The following KANK1 variants were observed in gnomAD, a reference collection of about 807,000 sequenced individuals.
KANK1 encodes the protein KN motif and ankyrin repeat domains 1.
KANK1 carries 109 observed loss-of-function variants against 106.2 expected under a neutral mutation model. That is an observed-to-expected ratio of 1.03 (90% CI 0.88 to 1.20). The LOEUF (loss-of-function observed/expected upper bound fraction) is 1.20. Among genes scored for constraint, KANK1 ranks in the 50% most tolerant of loss-of-function variants. KANK1 has a pLI of 0.00. For missense variants in KANK1, 2,399 were observed against 1,710.7 expected, an observed-to-expected ratio of 1.40 and a Z score of -7.10; for synonymous variants, 873 against 652.2, an observed-to-expected ratio of 1.34 and a Z score of -5.16.
At chr9:717,912 A>G (rs985333347) in intron 3 of KANK1, among the ~76,000 whole-genome samples, 1 of 152,168 alleles carries the variant, frequency 6.6e-6, no homozygotes, top group Admixed American at 6.5e-5. Context: ...TAGAACATTC[A>G]TCTCTCATAC....
chr9:580,362 C>G (rs532373927), intron 1 of KANK1, among the ~76,000 whole-genome samples: 13 of 152,170 alleles, frequency 8.5e-5, no homozygotes, highest in African/African-American at 3.1e-4. Flanking sequence ...AGTGAAAGAA[C>G]AAAGCTTCCA....
At chr9:690,107 G>T (rs1819512870) in intron 2 of KANK1, among the ~76,000 whole-genome samples, 1 of 122,996 alleles carries the variant, frequency 8.1e-6, no homozygotes, top group African/African-American at 3.0e-5. Context: ...GGCCAACATG[G>T]TGAAACCCCA....
chr9:717,099 A>G (rs1054859340), intron 3 of KANK1, among the ~76,000 whole-genome samples: 11 of 152,102 alleles, frequency 7.2e-5, no homozygotes, highest in Non-Finnish European at 1.6e-4. Context: ...ATCCTGGGCA[A>G]TATGGTAAAA....
intron 3 of KANK1, among the ~76,000 whole-genome samples, chr9:714,866 C>T (rs372813007): frequency 6.6e-6 from 1 of 152,166 alleles, no homozygotes; most frequent in East Asian, 1.9e-4. Flanking sequence ...TCATCCTCAG[C>T]TTAGGACCAC....
At chr9:743,220 A>AAAAAGTTAG in intron 10 of KANK1, among the ~76,000 whole-genome samples, 1 of 152,194 alleles carries the variant, frequency 6.6e-6, no homozygotes, top group East Asian at 1.9e-4. Context: ...TCAAAACACC[A>AAAAAGTTAG]AAAAGTTAGG....
chr9:526,249 A>G (rs1290193448), intron 1 of KANK1, among the ~76,000 whole-genome samples: 1 of 151,824 alleles, frequency 6.6e-6, no homozygotes, highest in African/African-American at 2.4e-5. Context: ...CGGCAGAGCA[A>G]TGACTGTTCC....
chr9:496,764 C>G (rs968039350), intron 3 of KANK1, among the ~76,000 whole-genome samples: 1 of 151,984 alleles, frequency 6.6e-6, no homozygotes, highest in African/African-American at 2.4e-5. Flanking sequence ...TGAAGCCTAA[C>G]CCAGCACTTT....
In KANK1 at chr9:618,383, T is replaced by G. The variant is rs139153994; in HGVS notation, c.-83-58507T>G. Among the ~76,000 whole-genome samples, 1,379 of 152,174 alleles carry G rather than the reference T, an allele frequency of 9.1e-3. 12 individuals are homozygous for G. Among genetic ancestry groups the G allele is most frequent in the South Asian group, 0.03 (143 of 4,818 alleles). ...CCACCACACCCAGTTAATTTTTGTA[T>G]TTTTACTAGAGACAGGGTTTCACCA... On this transcript the variant is annotated intron_variant, in intron 1 of 11. Transcript: ENST00000382297.
chr9:580,700 T>C lies in KANK1; in HGVS notation c.-84+75946T>C, dbSNP rs140445713. Among the ~76,000 whole-genome samples the C allele has an allele frequency of 2.4e-3, 361 of 152,358 alleles. 3 individuals are homozygous for C. The highest frequency in any genetic ancestry group is 8.2e-3 in the African/African-American group (342 of 41,590). ...TGCCCACTAGACTCAGGAGTCCAGC[T>C]GGCTTCACCTAGTGGATCCCGCACT... On this transcript the variant is annotated intron_variant, in intron 1 of 11. Transcript: ENST00000382297.
chr9:704,709 A>G (rs1823547381), intron 2 of KANK1, among the ~76,000 whole-genome samples: 1 of 152,182 alleles, frequency 6.6e-6, no homozygotes, highest in Non-Finnish European at 1.5e-5. Flanking sequence ...GGCCAGGTAT[A>G]GTGGCTTACA....
intron 1 of KANK1, among the ~76,000 whole-genome samples, chr9:665,140 T>G (rs755951466): frequency 6.6e-6 from 1 of 152,230 alleles, no homozygotes; most frequent in Non-Finnish European, 1.5e-5. Context: ...TTTGAGTGTT[T>G]CCTTTGCTGT....
At chr9:685,193 A>G (rs2139222957) in intron 2 of KANK1, among the ~76,000 whole-genome samples, 1 of 152,326 alleles carries the variant, frequency 6.6e-6, no homozygotes, top group South Asian at 2.1e-4. Flanking sequence ...GAATCCGGAA[A>G]ACACAGGTTT....
intron 1 of KANK1, among the ~76,000 whole-genome samples, chr9:653,562 T>C (rs1200694634): frequency 6.6e-6 from 1 of 152,136 alleles, no homozygotes; most frequent in Non-Finnish European, 1.5e-5. Flanking sequence ...GCAAAACCTT[T>C]CCCTTGAACG....
intron 3 of KANK1, 41 bp from the exon 4 acceptor site, chr9:730,010 T>C (rs149943828): frequency 1.3e-6 from 2 of 1,561,072 alleles, no homozygotes; most frequent in Admixed American, 3.4e-5. Context: ...GCTTTTTCAG[T>C]CCTAGCATCA....
chr9:633,372 G>A (rs191889581), intron 1 of KANK1, among the ~76,000 whole-genome samples: 120 of 152,186 alleles, frequency 7.9e-4, no homozygotes, highest in African/African-American at 2.7e-3. Flanking sequence ...GCAGGAGAAT[G>A]GCGTGAACCC....
intron 1 of KANK1, chr9:660,029 A>G: frequency 3.1e-6 from 1 of 327,444 alleles, no homozygotes; most frequent in South Asian, 3.1e-5. Context: ...CCCTTTGCTG[A>G]TACAAGTAAG....
intron 1 of KANK1, among the ~76,000 whole-genome samples, chr9:651,491 TG>T (rs1028352722): frequency 1.5e-3 from 236 of 152,312 alleles, no homozygotes; most frequent in African/African-American, 5.3e-3. Flanking sequence ...CTGCATGTGT[TG>T]GGTGTATGTG....
intron 1 of KANK1, among the ~76,000 whole-genome samples, chr9:543,127 A>C (rs1193984859): frequency 6.6e-6 from 1 of 152,230 alleles, no homozygotes; most frequent in Non-Finnish European, 1.5e-5. Flanking sequence ...GTAAATATAT[A>C]CAATTTTTAT....
At chr9:729,984 G>A in intron 3 of KANK1, 67 bp from the exon 4 acceptor site, 4 of 1,377,456 alleles carry the variant, frequency 2.9e-6, no homozygotes, top group Non-Finnish European at 4.0e-6. Context: ...GGCAAGAATT[G>A]TTTTTGTTGA....
Sources: gnomAD v4.1 joint callset for allele counts (sites outside exome capture counted in the v4.1 genomes callset) on GRCh38, gnomAD v4.1.1 for gene constraint, MANE v1.5 for transcripts, NCBI Gene and HGNC (gene_info 2026-07-23, HGNC 2026-07-21) for gene names.